FUT8: variants seen among roughly 807,000 people sequenced by gnomAD.
FUT8 encodes the protein alpha-(1,6)-fucosyltransferase.
FUT8 carries 29 observed loss-of-function variants against 71.3 expected under a neutral mutation model. The ratio of observed to expected loss-of-function variants is 0.41; its 90% CI spans 0.30 to 0.55. The LOEUF (loss-of-function observed/expected upper bound fraction) is 0.55. Among genes scored for constraint, FUT8 ranks in the 20% least tolerant of loss-of-function variants. FUT8 has a pLI of 0.34. For synonymous variants in FUT8, 254 were observed against 239.3 expected (o/e 1.06, Z -0.57); for missense variants, 544 against 702.1 (o/e 0.77, Z 2.55).
At chr14:65,635,322 A>T (rs1890489462) in intron 6 of FUT8, among the ~76,000 whole-genome samples, 2 of 152,036 alleles carry the variant, frequency 1.3e-5, no homozygotes. Flanking sequence ...ACCGATTTGG[A>T]TGCCCTTTCT....
rs74056763 is a variant in FUT8 at position 65,421,658 on chromosome 14, G to A, written c.-326+8444G>A. ...TGGTACTGGATTGGAAGCACTTACCGAGTCATCTTTTTAAATTCCTCTTGT... is the reference window on the plus strand; with the variant it reads ...TGGTACTGGATTGGAAGCACTTACCAAGTCATCTTTTTAAATTCCTCTTGT... On this transcript the variant is annotated intron_variant, in intron 1 of 10. Coordinates refer to ENST00000673929, the MANE Select transcript of FUT8 (RefSeq NM_001371533.1). Among the ~76,000 whole-genome samples the A allele has an allele frequency of 9.7e-3, 1,469 of 151,426 alleles. 18 individuals are homozygous for A. Among genetic ancestry groups the A allele is most frequent in the African/African-American group, 0.03 (1,249 of 41,204 alleles).
chr14:65,421,747 C>CCCCCCCCTCTT (rs57713947), intron 1 of FUT8, among the ~76,000 whole-genome samples: 1 of 79,212 alleles, frequency 1.3e-5, no homozygotes, highest in Non-Finnish European at 2.4e-5. Context: ...CCACCCCCCC[C>CCCCCCCCTCTT]TTTTTTTTTT....
intron 5 of FUT8, among the ~76,000 whole-genome samples, chr14:65,617,794 A>G (rs1430749984): frequency 6.6e-6 from 1 of 151,824 alleles, no homozygotes; most frequent in Non-Finnish European, 1.5e-5. Context: ...AAATACAAAA[A>G]TCAGCCATGC....
At chr14:65,457,828 G>A (rs2065913832) in intron 2 of FUT8, 1 of 152,218 alleles carries the variant, frequency 6.6e-6, no homozygotes, top group African/African-American at 2.4e-5. Flanking sequence ...GCCCAGGCCT[G>A]GTTTTGGGCC....
chr14:65,608,183 A>G (rs1888686674), intron 3 of FUT8, among the ~76,000 whole-genome samples: 1 of 151,764 alleles, frequency 6.6e-6, no homozygotes, highest in Non-Finnish European at 1.5e-5. Flanking sequence ...TCTAGAAAGT[A>G]TGTTTTTTAT....
At chr14:65,412,410 C>G, upstream of FUT8, 1 of 443,626 alleles carries the variant, frequency 2.3e-6, no homozygotes, top group South Asian at 1.6e-5. Flanking sequence ...ACAGCATTCT[C>G]TGGAGGCGAG....
chr14:65,434,185 G>A (rs769979744), intron 1 of FUT8, among the ~76,000 whole-genome samples: 15 of 152,300 alleles, frequency 9.8e-5, no homozygotes, highest in Non-Finnish European at 1.9e-4. Flanking sequence ...GTGATTTATT[G>A]GCTATGTAAA....
At position 65,643,394 on chromosome 14, in the gene FUT8, C is replaced by A. The variant is rs552318211; in HGVS notation, c.597+13788C>A. Among the ~76,000 whole-genome samples the A allele has an allele frequency of 6.6e-6, 1 of 152,262 alleles. No homozygotes were observed. Among genetic ancestry groups the A allele is most frequent in the Admixed American group, 6.5e-5 (1 of 15,296 alleles). On this transcript the variant is annotated intron_variant, in intron 6 of 10. Coordinates refer to ENST00000673929, the MANE Select transcript of FUT8 (RefSeq NM_001371533.1). The surrounding 1 kb of genome is among the most constrained non-coding windows in gnomAD (Gnocchi z 4.5). Reference sequence around the variant, plus strand: ...TTCTGGCCCAGCGTGGTGGCTCACGCCTGTAATCCCAGCACTTTGGGAGGC... The same window carrying A: ...TTCTGGCCCAGCGTGGTGGCTCACGACTGTAATCCCAGCACTTTGGGAGGC...
In FUT8 at chr14:65,627,765, T is replaced by C. The variant is rs994888807; in HGVS notation, c.483-1727T>C. Among the ~76,000 whole-genome samples, 1 of 152,234 alleles carries C rather than the reference T, an allele frequency of 6.6e-6. No homozygotes were observed. The highest frequency in any genetic ancestry group is 2.4e-5 in the African/African-American group (1 of 41,462). Reference sequence around the variant, plus strand: ...GCCAACTCACACAACTCTTGAAAACTTATCAGGAAGCTGCTGATGACCAGC... The same window carrying C: ...GCCAACTCACACAACTCTTGAAAACCTATCAGGAAGCTGCTGATGACCAGC... On this transcript the variant is annotated intron_variant, in intron 5 of 10. Transcript: ENST00000673929. The surrounding 1 kb of genome is among the most constrained non-coding windows in gnomAD (Gnocchi z 4.0).
At chr14:65,469,798 C>T (rs2066108891) in intron 2 of FUT8, among the ~76,000 whole-genome samples, 1 of 152,226 alleles carries the variant, frequency 6.6e-6, no homozygotes, top group South Asian at 2.1e-4. Context: ...TCTCTCTGGC[C>T]TCTGCCCTGC....
At chr14:65,645,862 T>G (rs1013103582) in intron 6 of FUT8, 1 of 152,224 alleles carries the variant, frequency 6.6e-6, no homozygotes, top group Non-Finnish European at 1.5e-5. Flanking sequence ...TATCTATTTA[T>G]GTGACAAAAA....
chr14:65,727,577 C>T (rs2139370633), intron 9 of FUT8, among the ~76,000 whole-genome samples: 1 of 152,264 alleles, frequency 6.6e-6, no homozygotes. Flanking sequence ...AACCCTGAGC[C>T]CAGTCCACAA....
At chr14:65,430,024 TTG>T (rs1249896149) in intron 1 of FUT8, among the ~76,000 whole-genome samples, 3 of 78,884 alleles carry the variant, frequency 3.8e-5, no homozygotes, top group East Asian at 1.9e-3. Context: ...TTTTTTGTTT[TTG>T]TTTTTTTTTT....
chr14:65,441,006 C>G (rs573713447), intron 1 of FUT8, among the ~76,000 whole-genome samples: 177 of 152,006 alleles, frequency 1.2e-3, no homozygotes, highest in Non-Finnish European at 2.0e-3. Context: ...ATTTTATACT[C>G]AAAACTATGT....
intron 7 of FUT8, among the ~76,000 whole-genome samples, chr14:65,679,355 A>G (rs1892924289): frequency 6.6e-6 from 1 of 152,196 alleles, no homozygotes; most frequent in Non-Finnish European, 1.5e-5. Flanking sequence ...CTATACAGCA[A>G]TCTTTCTGCA....
intron 1 of FUT8, among the ~76,000 whole-genome samples, chr14:65,441,501 G>A (rs1050199958): frequency 6.6e-6 from 1 of 152,002 alleles, no homozygotes; most frequent in Admixed American, 6.6e-5. Flanking sequence ...AGCACTTTGG[G>A]AGGCCAAGGC....
At chr14:65,513,919 G>C (rs528911987) in intron 2 of FUT8, among the ~76,000 whole-genome samples, 3 of 152,312 alleles carry the variant, frequency 2.0e-5, no homozygotes, top group East Asian at 1.9e-4. Context: ...GAAGTCTAGT[G>C]CATGCACAGT....
At chr14:65,484,915 T>C (rs148590295) in intron 2 of FUT8, among the ~76,000 whole-genome samples, 17 of 152,294 alleles carry the variant, frequency 1.1e-4, no homozygotes, top group African/African-American at 3.8e-4. Context: ...TCTTCTACGG[T>C]GTCTAATCTG....
At chr14:65,485,665 T>C (rs1163126943) in intron 2 of FUT8, among the ~76,000 whole-genome samples, 1 of 152,242 alleles carries the variant, frequency 6.6e-6, no homozygotes, top group Non-Finnish European at 1.5e-5. Flanking sequence ...CTGTGCTGAA[T>C]ATTTGAGAGG....
Sources: allele counts gnomAD v4.1 joint callset (sites outside exome capture counted in the v4.1 genomes callset), GRCh38; gene constraint gnomAD v4.1.1; non-coding constraint Gnocchi (gnomAD v3.1); transcripts MANE v1.5; gene names NCBI Gene and HGNC (gene_info 2026-07-23, HGNC 2026-07-21).